Variants in MEF2A observed in about 807,000 individuals in gnomAD.
MEF2A encodes the protein myocyte-specific enhancer factor 2A.
In MEF2A, 28 loss-of-function variants were observed where a neutral mutation model predicts 55.8. The observed-to-expected ratio is 0.50, with a 90% CI of 0.37 to 0.69. MEF2A has a LOEUF of 0.69. MEF2A is among the 30% of genes least tolerant of loss of function. The pLI is 0.00. For synonymous variants in MEF2A, 239 were observed against 227.1 expected, an observed-to-expected ratio of 1.05 and a Z score of -0.47; for missense variants, 528 against 626.2, an observed-to-expected ratio of 0.84 and a Z score of 1.67.
rs572866050 is a variant in MEF2A, at chr15:99,710,609, A to G, written c.1010-25A>G. The G allele has an allele frequency of 1.8e-5, 29 of 1,598,356 alleles. No individual in the cohort carries two copies. The African/African-American group carries it at 2.1e-4, about 12-fold the overall frequency. ...TCCGTATGGACCTTCCATCATATGC[A>G]GAGCCCTCTTGTCTTCCTTTGTAGA... On this transcript the variant is annotated intron_variant, in intron 10 of 11. Coordinates refer to ENST00000557942, the MANE Select transcript of MEF2A (RefSeq NM_001319206.4).
intron 1 of MEF2A, among the ~76,000 whole-genome samples, chr15:99,567,400 A>G (rs139896046): frequency 1.3e-5 from 2 of 152,320 alleles, no homozygotes; most frequent in African/African-American, 2.4e-5. Context: ...TACATTACCC[A>G]AGAGTACTTT....
chr15:99,678,062 CAA>C (rs1186606464), intron 7 of MEF2A, among the ~76,000 whole-genome samples: 1 of 152,036 alleles, frequency 6.6e-6, no homozygotes, highest in East Asian at 1.9e-4. Context: ...ATTGAATTAA[CAA>C]AACAAATACT....
At chr15:99,613,006 G>T (rs1299442691) in intron 2 of MEF2A, among the ~76,000 whole-genome samples, 1 of 152,080 alleles carries the variant, frequency 6.6e-6, no homozygotes, top group African/African-American at 2.4e-5. Context: ...CCATAAATGT[G>T]TGTATAAATT....
At chr15:99,688,206 CATT>C (rs1219229285) in intron 7 of MEF2A, among the ~76,000 whole-genome samples, 3 of 152,212 alleles carry the variant, frequency 2.0e-5, no homozygotes, top group Admixed American at 2.0e-4. Flanking sequence ...TTTTACTTGT[CATT>C]ATCTCTGCTG....
chr15:99,589,621 C>T (rs1250251239), intron 1 of MEF2A, among the ~76,000 whole-genome samples: 5 of 152,154 alleles, frequency 3.3e-5, no homozygotes, highest in South Asian at 2.1e-4. Flanking sequence ...TTCTAAAATA[C>T]GCACTTAAAA....
chr15:99,588,617 AT>A (rs1260788423), intron 1 of MEF2A, among the ~76,000 whole-genome samples: 2 of 146,570 alleles, frequency 1.4e-5, no homozygotes, highest in Non-Finnish European at 3.0e-5. Context: ...TAATTTTTGT[AT>A]TTTTTTGTAG....
At position 99,716,470 on chromosome 15, in the gene MEF2A, C is replaced by G. The variant is rs113470119; in HGVS notation, c.*3699C>G. ...TCTCCCGCACTCACTCCAGTAAAGA[C>G]GGACTGGCTCTTCCTGTGCGTCGAG... On this transcript the variant is annotated 3_prime_UTR_variant, in exon 12 of 12. Coordinates refer to ENST00000557942, the MANE Select transcript of MEF2A (RefSeq NM_001319206.4). 6.6e-6 allele frequency: 3 copies of G among 456,720 alleles called. No homozygotes were observed. The highest frequency in any genetic ancestry group is 1.3e-5 in the Non-Finnish European group (3 of 227,000). The allele number at this position is 456,720 out of a possible 1,614,324, so 28.3% of individuals were successfully genotyped here. A position where few individuals can be genotyped will look rare whatever the true frequency, so the allele number is the denominator to read the frequency against.
intron 4 of MEF2A, among the ~76,000 whole-genome samples, chr15:99,666,740 A>T (rs1389803709): frequency 6.6e-6 from 1 of 152,112 alleles, no homozygotes; most frequent in Non-Finnish European, 1.5e-5. Context: ...CAACACAGAA[A>T]TAGTGTGGAT....
At chr15:99,625,199 A>G (rs960131968) in intron 2 of MEF2A, among the ~76,000 whole-genome samples, 3 of 152,130 alleles carry the variant, frequency 2.0e-5, no homozygotes, top group African/African-American at 7.2e-5. Context: ...TAGCATCTGT[A>G]TTCTCTTTGA....
chr15:99,607,371 T>G (rs1251894167), intron 2 of MEF2A, among the ~76,000 whole-genome samples: 1 of 152,214 alleles, frequency 6.6e-6, no homozygotes, highest in East Asian at 1.9e-4. Flanking sequence ...TATTTTTACA[T>G]CTCTGATATA....
chr15:99,666,406 G>A (rs1209215867), intron 4 of MEF2A, among the ~76,000 whole-genome samples: 3 of 151,952 alleles, frequency 2.0e-5, no homozygotes, highest in South Asian at 4.2e-4. Context: ...ACATGGACAC[G>A]GAGCGGAACA....
chr15:99,573,286 C>CAAAA (rs66573508), intron 1 of MEF2A, among the ~76,000 whole-genome samples: 5 of 86,596 alleles, frequency 5.8e-5, no homozygotes, highest in Admixed American at 1.1e-4. Context: ...GACTCCGTCT[C>CAAAA]AAAAAAAAAA....
chr15:99,665,559 A>G (rs1199965501), intron 4 of MEF2A, among the ~76,000 whole-genome samples: 1 of 152,154 alleles, frequency 6.6e-6, no homozygotes, highest in Non-Finnish European at 1.5e-5. Context: ...AAACAATGGC[A>G]ACAAAAGCCA....
intron 7 of MEF2A, among the ~76,000 whole-genome samples, chr15:99,679,352 T>C (rs973444682): frequency 3.3e-5 from 5 of 152,204 alleles, no homozygotes; most frequent in Admixed American, 2.0e-4. Flanking sequence ...TGGATAAATA[T>C]AAGAGTACAT....
At chr15:99,627,401 CAG>C (rs2042212123) in intron 2 of MEF2A, among the ~76,000 whole-genome samples, 1 of 107,350 alleles carries the variant, frequency 9.3e-6, no homozygotes. Context: ...GCCTGGGCGA[CAG>C]AGTGAGACTT....
chr15:99,692,270 T>A (rs550554541), intron 8 of MEF2A, among the ~76,000 whole-genome samples: 1 of 152,284 alleles, frequency 6.6e-6, no homozygotes, highest in South Asian at 2.1e-4. Flanking sequence ...CCAAGATAGT[T>A]CAAAATAGAG....
At chr15:99,651,404 T>C (rs1374815371) in intron 4 of MEF2A, among the ~76,000 whole-genome samples, 1 of 152,148 alleles carries the variant, frequency 6.6e-6, no homozygotes, top group Non-Finnish European at 1.5e-5. Context: ...TTTCTCCCCA[T>C]GTTATAGACG....
At chr15:99,708,989 A>C (rs1372070181) in intron 10 of MEF2A, among the ~76,000 whole-genome samples, 1 of 152,218 alleles carries the variant, frequency 6.6e-6, no homozygotes. Context: ...TCCGGAGAGC[A>C]TTGGGGAGCC....
rs374494932 is a variant in MEF2A at position 99,710,809 on chromosome 15, T to A, written c.1136+49T>A. The A allele has an allele frequency of 1.1e-4, 172 of 1,567,248 alleles. No homozygotes were observed. In the African/African-American group the frequency reaches 2.1e-3, roughly 19 times the overall value. On this transcript the variant is annotated intron_variant, in intron 11 of 11. Coordinates refer to ENST00000557942, the MANE Select transcript of MEF2A (RefSeq NM_001319206.4). ...GCATCTTTACTCCTGGCCTACACAC[T>A]CTCTTTTCCTATCAGTGACAGCCTT...
Sources: allele counts gnomAD v4.1 joint callset (sites outside exome capture counted in the v4.1 genomes callset), GRCh38; gene constraint gnomAD v4.1.1; transcripts MANE v1.5; gene names NCBI Gene and HGNC (gene_info 2026-07-23, HGNC 2026-07-21).